Variants in SLC17A7 observed in about 807,000 individuals in gnomAD.
SLC17A7 encodes solute carrier family 17 member 7.
A neutral mutation model predicts 59.1 loss-of-function variants in SLC17A7; 15 were observed. That is an observed-to-expected ratio of 0.25 (90% CI 0.17 to 0.39). The LOEUF is 0.39. Ranked by LOEUF, SLC17A7 falls within the 10% of genes least tolerant of loss-of-function variation. SLC17A7 has a pLI of 1.00. For missense variants in SLC17A7, 499 were observed against 765.1 expected (o/e 0.65, Z 4.10); for synonymous variants, 353 against 308.9 (o/e 1.14, Z -1.50).
At chr19:49,434,308 TCA>T (rs2078972247) in intron 5 of SLC17A7, among the ~76,000 whole-genome samples, 1 of 122,502 alleles carries the variant, frequency 8.2e-6, no homozygotes, top group Non-Finnish European at 1.7e-5. Flanking sequence ...CCCTCCTCTC[TCA>T]GACACAGGAG....
Position 49,441,479 on chromosome 19 carries a change from C to G in SLC17A7, c.-100G>C. 9.2e-7 allele frequency: 1 copy of G among 1,091,128 alleles called. No homozygotes were observed. Among genetic ancestry groups the G allele is most frequent in the Non-Finnish European group, 1.1e-6 (1 of 899,864 alleles). 67.6% of individuals were successfully genotyped at this position (1,091,128 alleles called of 1,614,324 possible). On this transcript the variant is annotated 5_prime_UTR_variant, in exon 1 of 12. Transcript: ENST00000221485. ...CGTCCGGGTTCCCGGGGTCCAGCCC[C>G]GGCCCGGCCGGCCCCGCAGCTCCGC... is the stretch of plus-strand genomic sequence containing the variant.
Position 49,431,324 on chromosome 19 carries a change from T to C in SLC17A7, c.1261+14A>G. 1 of 1,613,010 alleles carries C rather than the reference T, an allele frequency of 6.2e-7. No individual in the cohort carries two copies. The highest frequency in any genetic ancestry group is 1.1e-5 in the South Asian group (1 of 91,036). The stretch of plus-strand genomic sequence containing the variant: ...TGACCAGAGTCCCCCAAGCTGCGGA[T>C]CCGCGGTTCTCACCAGAGATGGCGA... On this transcript the variant is annotated intron_variant, in intron 10 of 11. Coordinates refer to ENST00000221485, the MANE Select transcript of SLC17A7 (RefSeq NM_020309.4). The surrounding 1 kb of genome is among the most constrained non-coding windows in gnomAD (Gnocchi z 4.6).
chr19:49,434,061 G>A lies in SLC17A7; in HGVS notation c.638-15C>T. 2 of 1,574,650 alleles carry A rather than the reference G, an allele frequency of 1.3e-6. No individual in the cohort carries two copies. The highest frequency in any genetic ancestry group is 2.2e-5 in the South Asian group (2 of 90,298). ...AGCATAGGAACCTAAGGGGGAGGAT[G>A]CGGGGGAGAGAACAGGCCCATCTTC... On this transcript the variant is annotated splice_polypyrimidine_tract_variant and intron_variant, in intron 5 of 11. Transcript: ENST00000221485.
Position 49,436,469 on chromosome 19 carries a change from G to A in SLC17A7, c.315+80C>T. On this transcript the variant is annotated intron_variant, in intron 2 of 11. Coordinates refer to ENST00000221485, the MANE Select transcript of SLC17A7 (RefSeq NM_020309.4). This position sits in a 1 kb window ranked among gnomAD's most constrained non-coding sequence, Gnocchi z 4.1. ...AGGGGCGTGGCCTGGACGTCTGGTG[G>A]GTGAGTGTGACGTCATGGGGGCGTA... 1 of 1,542,950 alleles carries A rather than the reference G, an allele frequency of 6.5e-7. No individual in the cohort carries two copies. Among genetic ancestry groups the A allele is most frequent in the Non-Finnish European group, 8.8e-7 (1 of 1,139,988 alleles).
chr19:49,432,985 T>G, intron 7 of SLC17A7, 25 bp from the exon 8 acceptor site: 1 of 1,597,074 alleles, frequency 6.3e-7, no homozygotes, highest in Non-Finnish European at 8.5e-7. Flanking sequence ...GGAGGGCCGC[T>G]AAGACGGGGA....
Position 49,433,958 on chromosome 19 carries a change from A to G in SLC17A7, c.724+2T>C. The stretch of plus-strand genomic sequence containing the variant: ...CCGGAACCAGGCATCCGGGTCCCTC[A>G]CCGTAGACGTAGAAAACAGAGCTCC... On this transcript the variant is annotated splice_donor_variant, in intron 6 of 11. Coordinates refer to ENST00000221485, the MANE Select transcript of SLC17A7 (RefSeq NM_020309.4). LOFTEE classifies it high-confidence loss of function. This position sits in a 1 kb window ranked among gnomAD's most constrained non-coding sequence, Gnocchi z 5.7. The G allele has an allele frequency of 6.2e-7, 1 of 1,613,474 alleles. No individual in the cohort carries two copies. The highest frequency in any genetic ancestry group is 8.5e-7 in the Non-Finnish European group (1 of 1,179,898).
At chr19:49,434,978 G>T (rs900689591) in intron 3 of SLC17A7, 96 bp from the exon 4 acceptor site, 3 of 1,241,844 alleles carry the variant, frequency 2.4e-6, no homozygotes, top group Non-Finnish European at 3.5e-6. Context: ...AGTGGTCCCC[G>T]GGACCCCAGG....
At position 49,436,571 on chromosome 19, in the gene SLC17A7, C is replaced by G. The variant is rs147520313; in HGVS notation, c.293G>C (p.Arg98Pro). 6.2e-7 allele frequency: 1 copy of G among 1,613,536 alleles called. No individual in the cohort carries two copies. The highest frequency in any genetic ancestry group is 1.3e-5 in the African/African-American group (1 of 74,906). Residue 98 changes from arginine (R) to proline (P), a missense_variant, in exon 2 of 12, where the codon CGC becomes CCC. By Grantham distance (103) the Arg-to-Pro change is moderately radical (BLOSUM62 -2). Around this residue, in one of 3 missense-constraint regions of SLC17A7, gnomAD observed 323 missense variants for 607.2 expected, o/e 0.53. Transcript: ENST00000221485. The surrounding 1 kb of genome is among the most constrained non-coding windows in gnomAD (Gnocchi z 4.1). ...VSMVNNSTTHRGGHVVVQKAQ... is the reference protein window; with the variant it reads ...VSMVNNSTTHPGGHVVVQKAQ... The stretch of plus-strand genomic sequence containing the variant: ...TACCTGCACCACCACGTGGCCCCCG[C>G]GGTGGGTCGTGCTGTTATTGACCAT...
In SLC17A7 at chr19:49,431,533, T is replaced by C; in HGVS notation, c.1151-85A>G. 1 of 1,160,500 alleles carries C rather than the reference T, an allele frequency of 8.6e-7. No individual in the cohort carries two copies. The allele number at this position is 1,160,500 out of a possible 1,614,324, so 71.9% of individuals were successfully genotyped here. A position where few individuals can be genotyped will look rare whatever the true frequency, so the allele number is the denominator to read the frequency against. ...CCCCACACCGCCCTTCCAGACCTGC[T>C]CCAGCCCCAAACCGCGTCTATCCAC... On this transcript the variant is annotated intron_variant, in intron 9 of 11. Coordinates refer to ENST00000221485, the MANE Select transcript of SLC17A7 (RefSeq NM_020309.4). This position sits in a 1 kb window ranked among gnomAD's most constrained non-coding sequence, Gnocchi z 4.6.
Position 49,430,390 on chromosome 19 carries a change from G to T in SLC17A7, c.*129C>A. On this transcript the variant is annotated 3_prime_UTR_variant, in exon 12 of 12. Transcript: ENST00000221485. Reference sequence around the variant, plus strand: ...AGGAAAGAGGATTTGACAGCACTGGGAACAAGGGAGAGTGCTTCTTAGGCC... The same window carrying T: ...AGGAAAGAGGATTTGACAGCACTGGTAACAAGGGAGAGTGCTTCTTAGGCC... 1.5e-6 allele frequency: 1 copy of T among 659,074 alleles called. No individual in the cohort carries two copies. 40.8% of individuals were successfully genotyped at this position (659,074 alleles called of 1,614,324 possible). A position where few individuals can be genotyped will look rare whatever the true frequency, so the allele number is the denominator to read the frequency against.
rs2078958388 is a variant in SLC17A7 at position 49,431,280 on chromosome 19, A to G, written c.1261+58T>C. On this transcript the variant is annotated intron_variant, in intron 10 of 11. Coordinates refer to ENST00000221485, the MANE Select transcript of SLC17A7 (RefSeq NM_020309.4). The surrounding 1 kb of genome is among the most constrained non-coding windows in gnomAD (Gnocchi z 4.6). ...GGCTGAGAGGCCCCGTTCCTGAGCC[A>G]GGAAGTTCCCTACAGAGCTGACCAG... 6.3e-7 allele frequency: 1 copy of G among 1,593,262 alleles called. No homozygotes were observed. Among genetic ancestry groups the G allele is most frequent in the East Asian group, 2.2e-5 (1 of 44,544 alleles).
At position 49,436,828 on chromosome 19, in the gene SLC17A7, C is replaced by A; in HGVS notation, c.63-27G>T. 6.3e-7 allele frequency: 1 copy of A among 1,594,290 alleles called. No homozygotes were observed. The highest frequency in any genetic ancestry group is 8.5e-7 in the Non-Finnish European group (1 of 1,176,238). On this transcript the variant is annotated intron_variant, in intron 1 of 11. Transcript: ENST00000221485. This position sits in a 1 kb window ranked among gnomAD's most constrained non-coding sequence, Gnocchi z 4.1. ...TGCGGGACAGCAAGAGCCAGAGACT[C>A]GGAAGTCCAGGCCCCCAGCCCCCTC...
Position 49,433,089 on chromosome 19 carries a change from C to T in SLC17A7, c.868-129G>A. ...CGACCGCACTGAAACTTCTATGGAC[C>T]CAAAGGCGCGGGCTACACCATGTTG... On this transcript the variant is annotated intron_variant, in intron 7 of 11. Transcript: ENST00000221485. The surrounding 1 kb of genome is among the most constrained non-coding windows in gnomAD (Gnocchi z 5.7). 1 of 1,004,970 alleles carries T rather than the reference C, an allele frequency of 1.0e-6. No homozygotes were observed. The highest frequency in any genetic ancestry group is 1.5e-6 in the Non-Finnish European group (1 of 686,454). 62.3% of individuals were successfully genotyped at this position (1,004,970 alleles called of 1,614,324 possible).
At position 49,431,272 on chromosome 19, in the gene SLC17A7, C is replaced by A; in HGVS notation, c.1261+66G>T. ...TTTTGTGAGGCTGAGAGGCCCCGTTCCTGAGCCAGGAAGTTCCCTACAGAG... is the reference window on the plus strand; with the variant it reads ...TTTTGTGAGGCTGAGAGGCCCCGTTACTGAGCCAGGAAGTTCCCTACAGAG... On this transcript the variant is annotated intron_variant, in intron 10 of 11. Transcript: ENST00000221485. The surrounding 1 kb of genome is among the most constrained non-coding windows in gnomAD (Gnocchi z 4.6). 6.3e-7 allele frequency: 1 copy of A among 1,589,590 alleles called. No homozygotes were observed.
At position 49,431,686 on chromosome 19, in the gene SLC17A7, G is replaced by A. The variant is rs1461103499; in HGVS notation, c.1151-238C>T. The stretch of plus-strand genomic sequence containing the variant: ...GCCCACCAGCTCCATCGCCCCTCCC[G>A]TAGCTCCACCCCTTGACTAGGCCAC... On this transcript the variant is annotated intron_variant, in intron 9 of 11. Transcript: ENST00000221485. This position sits in a 1 kb window ranked among gnomAD's most constrained non-coding sequence, Gnocchi z 4.6. 1.3e-5 allele frequency among the ~76,000 whole-genome samples: 2 copies of A among 151,776 alleles called. No individual in the cohort carries two copies. The highest frequency in any genetic ancestry group is 6.6e-5 in the Admixed American group (1 of 15,252).
Position 49,441,481 on chromosome 19 carries a change from G to T in SLC17A7, c.-102C>A. On this transcript the variant is annotated 5_prime_UTR_variant, in exon 1 of 12. Transcript: ENST00000221485. ...TCCGGGTTCCCGGGGTCCAGCCCCG[G>T]CCCGGCCGGCCCCGCAGCTCCGCTC... 1.8e-6 allele frequency: 2 copies of T among 1,092,414 alleles called. No homozygotes were observed. Among genetic ancestry groups the T allele is most frequent in the Non-Finnish European group, 1.1e-6 (1 of 901,634 alleles). The allele number at this position is 1,092,414 out of a possible 1,614,324, so 67.7% of individuals were successfully genotyped here.
In SLC17A7 at chr19:49,436,561, G is replaced by T. The variant is rs769348352; in HGVS notation, c.303C>A (p.His101Gln). ...GGCCTTGAGCTACCTGCACCACCAC[G>T]TGGCCCCCGCGGTGGGTCGTGCTGT... ...VNNSTTHRGGHVVVQKAQFSW... is the reference protein window; with the variant it reads ...VNNSTTHRGGQVVVQKAQFSW... The change falls in exon 2 of 12, where the codon CAC (histidine) becomes CAA (glutamine). Residue 101 changes from histidine (H) to glutamine (Q), a missense_variant. Around this residue, in one of 3 missense-constraint regions of SLC17A7, gnomAD observed 323 missense variants for 607.2 expected, o/e 0.53. Coordinates refer to ENST00000221485, the MANE Select transcript of SLC17A7 (RefSeq NM_020309.4). This position sits in a 1 kb window ranked among gnomAD's most constrained non-coding sequence, Gnocchi z 4.1. 62 of 1,613,458 alleles carry T rather than the reference G, an allele frequency of 3.8e-5. No individual in the cohort carries two copies. Among genetic ancestry groups the T allele is most frequent in the Non-Finnish European group, 5.3e-5 (62 of 1,179,956 alleles).
rs2078970276 is a variant in SLC17A7 at position 49,433,906 on chromosome 19, A to C, written c.725-38T>G. 6.2e-7 allele frequency: 1 copy of C among 1,612,820 alleles called. No individual in the cohort carries two copies. The highest frequency in any genetic ancestry group is 1.1e-5 in the South Asian group (1 of 91,024). Reference sequence around the variant, plus strand: ...GGAGGGGGATGGGAGCGAGGTGAGGACCGGCCCCGCTCCGCCCCAGCGCCA... The same window carrying C: ...GGAGGGGGATGGGAGCGAGGTGAGGCCCGGCCCCGCTCCGCCCCAGCGCCA... On this transcript the variant is annotated intron_variant, in intron 6 of 11. Coordinates refer to ENST00000221485, the MANE Select transcript of SLC17A7 (RefSeq NM_020309.4). The surrounding 1 kb of genome is among the most constrained non-coding windows in gnomAD (Gnocchi z 5.7).
At chr19:49,435,014 T>G in intron 3 of SLC17A7, 132 bp from the exon 4 acceptor site, 1 of 1,014,846 alleles carries the variant, frequency 9.9e-7, no homozygotes, top group Non-Finnish European at 1.5e-6. Context: ...GACTTACACC[T>G]TCCTCAATCG....
Sources: allele counts gnomAD v4.1 joint callset (sites outside exome capture counted in the v4.1 genomes callset), GRCh38; gene constraint gnomAD v4.1.1; regional missense constraint gnomAD v4.1.1; non-coding constraint Gnocchi (gnomAD v3.1); transcripts MANE v1.5; gene names NCBI Gene and HGNC (gene_info 2026-07-23, HGNC 2026-07-21).